The following CTBP2 variants were observed in gnomAD, a reference collection of about 807,000 sequenced individuals.
CTBP2 encodes C-terminal binding protein 2.
CTBP2 carries 30 observed loss-of-function variants against 80.3 expected under a neutral mutation model. The ratio of observed to expected loss-of-function variants is 0.37; its 90% CI spans 0.28 to 0.51. The LOEUF (loss-of-function observed/expected upper bound fraction) is 0.51, where lower values mean the gene tolerates loss of function less well. Among genes scored for constraint, CTBP2 ranks in the 20% least tolerant of loss-of-function variants. The pLI is 0.93. For synonymous variants in CTBP2, 594 were observed against 587.4 expected (o/e 1.01, Z -0.16); for missense variants, 1,212 against 1,375.3 (o/e 0.88, Z 1.88).
At chr10:125,109,131 T>C (rs1851900557) in intron 2 of CTBP2, among the ~76,000 whole-genome samples, 1 of 152,230 alleles carries the variant, frequency 6.6e-6, no homozygotes, top group African/African-American at 2.4e-5. Context: ...ATTTTTGATA[T>C]TTAAAAAGTC....
intron 2 of CTBP2, among the ~76,000 whole-genome samples, chr10:125,050,463 G>A (rs779949630): frequency 5.9e-5 from 9 of 152,210 alleles, no homozygotes; most frequent in Non-Finnish European, 1.2e-4. Flanking sequence ...GCTACGTAAC[G>A]GAAACCCAGA....
At chr10:125,049,041 CCACAGACACACACACACACA>C (rs61175254) in intron 2 of CTBP2, among the ~76,000 whole-genome samples, 30,611 of 112,402 alleles carry the variant, frequency 0.27, 3,226 homozygotes, top group East Asian at 0.42. Context: ...GCCCGCCTGA[CCACAGACACACACACACACA>C]CACACACACA....
intron 1 of CTBP2, among the ~76,000 whole-genome samples, chr10:125,020,849 C>T (rs117795966): frequency 6.6e-5 from 10 of 152,234 alleles, no homozygotes; most frequent in East Asian, 3.9e-4. Context: ...TCTGCGCTGT[C>T]GAGGGGGACA....
Position 124,985,583 on chromosome 10 carries a change from A to G in CTBP2, c.*3935T>C, listed in dbSNP as rs1156422574. The G allele has an allele frequency of 6.5e-6, 1 of 152,722 alleles. No individual in the cohort carries two copies. Among genetic ancestry groups the G allele is most frequent in the Admixed American group, 6.5e-5 (1 of 15,292 alleles). The allele number at this position is 152,722 out of a possible 1,614,324, so 9.5% of individuals were successfully genotyped here. A position where few individuals can be genotyped will look rare whatever the true frequency, so the allele number is the denominator to read the frequency against. On this transcript the variant is annotated 3_prime_UTR_variant, in exon 9 of 9. Transcript: ENST00000309035. Reference sequence around the variant, plus strand: ...TAGGAACAAACTGCAAGAAAAGCTAAGAATGTTTTAGAGTGAACTAAATAC... The same window carrying G: ...TAGGAACAAACTGCAAGAAAAGCTAGGAATGTTTTAGAGTGAACTAAATAC...
chr10:125,027,523 C>G lies in CTBP2; in HGVS notation c.237G>C (p.Val79=). Reference sequence around the variant, plus strand: ...CAGGAGTAGACCCCTTTCTTGCAGCCACTGAGTTATAAACGGCCTCCCGGT... The same window carrying G: ...CAGGAGTAGACCCCTTTCTTGCAGCGACTGAGTTATAAACGGCCTCCCGGT... The change falls in exon 1 of 9, where the codon GTG becomes GTC. Residue 79 remains valine (V), a synonymous_variant. Coordinates refer to ENST00000309035, the MANE Select transcript of CTBP2 (RefSeq NM_022802.3). 1.2e-6 allele frequency: 2 copies of G among 1,614,094 alleles called. No individual in the cohort carries two copies. Among genetic ancestry groups the G allele is most frequent in the Non-Finnish European group, 1.7e-6 (2 of 1,180,012 alleles).
intron 5 of CTBP2, among the ~76,000 whole-genome samples, chr10:124,994,219 T>G (rs772136389): frequency 6.6e-6 from 1 of 152,246 alleles, no homozygotes; most frequent in Non-Finnish European, 1.5e-5. Context: ...GCCGAGCTGC[T>G]GGCCTCTTTA....
At chr10:125,126,721 T>C (rs1315669028) in intron 1 of CTBP2, among the ~76,000 whole-genome samples, 3 of 147,000 alleles carry the variant, frequency 2.0e-5, no homozygotes, top group Admixed American at 6.7e-5. Context: ...CATCAAGCTT[T>C]TATTCTGATC....
chr10:125,114,362 G>C (rs1481862144), intron 1 of CTBP2, among the ~76,000 whole-genome samples: 1 of 152,066 alleles, frequency 6.6e-6, no homozygotes, highest in Admixed American at 6.5e-5. Flanking sequence ...CTGATGACAG[G>C]GGGGTGTGTA....
chr10:125,160,556 A>G (rs1427052947), upstream of CTBP2: 1 of 145,642 alleles, frequency 6.9e-6, no homozygotes, highest in Non-Finnish European at 1.5e-5. Flanking sequence ...ACACACACAC[A>G]AAAACTTAAT....
chr10:125,043,585 C>T (rs1960439814), intron 2 of CTBP2, among the ~76,000 whole-genome samples: 1 of 152,138 alleles, frequency 6.6e-6, no homozygotes, highest in African/African-American at 2.4e-5. Context: ...ACTACAAGTG[C>T]CGCCACCACG....
In CTBP2 at chr10:124,984,543, G is replaced by A. The variant is rs2134005312; in HGVS notation, c.*4975C>T. 2 of 521,474 alleles carry A rather than the reference G, an allele frequency of 3.8e-6. No homozygotes were observed. The highest frequency in any genetic ancestry group is 3.0e-5 in the South Asian group (1 of 32,874). 32.3% of individuals were successfully genotyped at this position (521,474 alleles called of 1,614,324 possible). A position where few individuals can be genotyped will look rare whatever the true frequency, so the allele number is the denominator to read the frequency against. On this transcript the variant is annotated 3_prime_UTR_variant, in exon 9 of 9. Coordinates refer to ENST00000309035, the MANE Select transcript of CTBP2 (RefSeq NM_022802.3). ...TATCTAACAAATTACCCTCTAGTGTGCTCCTCTTTAGTTTTTTTCTGAGAA... is the reference window on the plus strand; with the variant it reads ...TATCTAACAAATTACCCTCTAGTGTACTCCTCTTTAGTTTTTTTCTGAGAA...
chr10:125,013,108 C>T (rs1956110831), intron 1 of CTBP2, among the ~76,000 whole-genome samples: 3 of 152,286 alleles, frequency 2.0e-5, no homozygotes, highest in Admixed American at 1.3e-4. Flanking sequence ...GTGGTTCCAG[C>T]CCACAGCTCC....
rs1957763216 is a variant in CTBP2 at position 125,027,503 on chromosome 10, G to C, written c.257C>G (p.Thr86Ser). 6.2e-7 allele frequency: 1 copy of C among 1,614,024 alleles called. No homozygotes were observed. The highest frequency in any genetic ancestry group is 1.3e-5 in the African/African-American group (1 of 74,922). ...GCTGTCGTAGAAGGTGAAGTCAGGAGTAGACCCCTTTCTTGCAGCCACTGA... is the reference window on the plus strand; with the variant it reads ...GCTGTCGTAGAAGGTGAAGTCAGGACTAGACCCCTTTCTTGCAGCCACTGA... The change falls in exon 1 of 9, where the codon ACT becomes AGT. Residue 86 changes from threonine (T) to serine (S), a missense_variant. By Grantham distance (58) the Thr-to-Ser change is moderately conservative (BLOSUM62 1). Transcript: ENST00000309035.
At chr10:125,161,082 A>C (rs1861854484), upstream of CTBP2, 1 of 139,722 alleles carries the variant, frequency 7.2e-6, no homozygotes. Context: ...GGGGGGGGCA[A>C]AGGCGGGGTC....
intron 2 of CTBP2, among the ~76,000 whole-genome samples, chr10:125,052,092 C>T (rs1590349051): frequency 1.3e-5 from 2 of 152,206 alleles, no homozygotes; most frequent in South Asian, 4.1e-4. Flanking sequence ...CCAACACATG[C>T]CAACAGACGG....
upstream of CTBP2, among the ~76,000 whole-genome samples, chr10:125,028,321 C>G (rs1043299166): frequency 1.3e-5 from 2 of 152,208 alleles, no homozygotes; most frequent in African/African-American, 4.8e-5. Flanking sequence ...GCCACTGATT[C>G]CTGAGAGGTA....
chr10:125,026,009 C>T, intron 1 of CTBP2: 1 of 1,510,386 alleles, frequency 6.6e-7, no homozygotes, highest in African/African-American at 1.4e-5. Flanking sequence ...ATCCTATGTT[C>T]AAACTTCTAC....
intron 3 of CTBP2, 87 bp downstream of exon 3, chr10:125,038,910 T>G (rs1590247780): frequency 3.0e-6 from 4 of 1,319,212 alleles, no homozygotes; most frequent in Non-Finnish European, 4.3e-6. Flanking sequence ...GCTTGGGGAG[T>G]GGCACAGCCA....
chr10:125,157,465 C>A (rs1386996706), intron 1 of CTBP2, among the ~76,000 whole-genome samples: 1 of 151,172 alleles, frequency 6.6e-6, no homozygotes, highest in African/African-American at 2.4e-5. Context: ...AAGAATTAAA[C>A]CCAAACCACC....
Sources: gnomAD v4.1 joint callset for allele counts (sites outside exome capture counted in the v4.1 genomes callset) on GRCh38, gnomAD v4.1.1 for gene constraint, MANE v1.5 for transcripts, NCBI Gene and HGNC (gene_info 2026-07-23, HGNC 2026-07-21) for gene names.